Variants in CHODL observed in about 807,000 individuals in gnomAD.
CHODL encodes transmembrane protein MT75.
CHODL carries 29 observed loss-of-function variants against 34.5 expected under a neutral mutation model. The observed-to-expected ratio is 0.84, with a 90% CI of 0.63 to 1.15. The LOEUF (loss-of-function observed/expected upper bound fraction) is 1.15, where lower values mean the gene tolerates loss of function less well. CHODL is among the 50% of genes most tolerant of loss of function. CHODL has a pLI of 0.00. For synonymous variants in CHODL, 125 were observed against 116.1 expected (o/e 1.08, Z -0.49); for missense variants, 332 against 332.5 (o/e 1.00, Z 0.01).
intron 1 of CHODL, among the ~76,000 whole-genome samples, chr21:17,939,348 G>C (rs1293716806): frequency 6.6e-6 from 1 of 151,974 alleles, no homozygotes; most frequent in African/African-American, 2.4e-5. Flanking sequence ...TTCTGTGGTT[G>C]GTTTATTTCA....
chr21:17,968,379 A>C (rs2063589082), intron 1 of CHODL, among the ~76,000 whole-genome samples: 1 of 151,392 alleles, frequency 6.6e-6, no homozygotes, highest in South Asian at 2.1e-4. Context: ...CAGAAATACA[A>C]CACATAGTAT....
At chr21:18,185,862 G>A (rs574522818) in intron 2 of CHODL, among the ~76,000 whole-genome samples, 30 of 152,306 alleles carry the variant, frequency 2.0e-4, no homozygotes, top group African/African-American at 6.7e-4. Context: ...CTAGCTAGCT[G>A]TCTAGGGTCT....
At chr21:18,228,992 G>T (rs2073955466) in intron 2 of CHODL, among the ~76,000 whole-genome samples, 1 of 152,072 alleles carries the variant, frequency 6.6e-6, no homozygotes, top group African/African-American at 2.4e-5. Flanking sequence ...TATAAAGTAT[G>T]TCTGGGAGAA....
At chr21:18,133,575 G>A (rs2146597692) in intron 2 of CHODL, among the ~76,000 whole-genome samples, 1 of 152,182 alleles carries the variant, frequency 6.6e-6, no homozygotes, top group East Asian at 1.9e-4. Flanking sequence ...AGCAAACAGA[G>A]TTCCCTTGTG....
At chr21:17,926,471 A>C (rs1235152722) in intron 1 of CHODL, among the ~76,000 whole-genome samples, 7 of 151,796 alleles carry the variant, frequency 4.6e-5, no homozygotes, top group Non-Finnish European at 1.0e-4. Context: ...AAAGAAGTTT[A>C]ATTAACTCAC....
intron 1 of CHODL, among the ~76,000 whole-genome samples, chr21:18,013,821 G>C (rs1274414436): frequency 6.6e-6 from 1 of 151,562 alleles, no homozygotes; most frequent in Non-Finnish European, 1.5e-5. Context: ...TTTTAGTAGA[G>C]ATGGGGTTTC....
rs1340132871 is a variant in CHODL, at chr21:18,056,759, T to G, written c.-45+28788T>G. Reference sequence around the variant, plus strand: ...TTTTTCCTTTCTGTTATTATGCTTTTAATCATGCTCCATGAATGTAATATC... The same window carrying G: ...TTTTTCCTTTCTGTTATTATGCTTTGAATCATGCTCCATGAATGTAATATC... On this transcript the variant is annotated intron_variant, in intron 2 of 6. Coordinates refer to the CHODL transcript ENST00000400127. Among the ~76,000 whole-genome samples the G allele has an allele frequency of 3.9e-5, 6 of 152,206 alleles. No individual in the cohort carries two copies. In the East Asian group the frequency reaches 1.2e-3, roughly 29 times the overall value.
At chr21:18,174,332 A>G (rs2073280560) in intron 2 of CHODL, among the ~76,000 whole-genome samples, 1 of 151,546 alleles carries the variant, frequency 6.6e-6, no homozygotes, top group Admixed American at 6.6e-5. Context: ...CAATTTTTTT[A>G]TACTAGGTAA....
intron 2 of CHODL, among the ~76,000 whole-genome samples, chr21:18,158,555 C>T (rs769451962): frequency 5.2e-4 from 79 of 151,970 alleles, no homozygotes; most frequent in Non-Finnish European, 8.5e-4. Flanking sequence ...GAAAAGCATG[C>T]GGCCTGGCAC....
intron 2 of CHODL, among the ~76,000 whole-genome samples, chr21:18,236,261 A>C (rs78568625): frequency 1.3e-3 from 203 of 152,158 alleles, no homozygotes; most frequent in African/African-American, 4.8e-3. Context: ...GTGAGAACTT[A>C]CTTACATCAT....
At chr21:17,973,873 T>C (rs1232548043) in intron 1 of CHODL, among the ~76,000 whole-genome samples, 1 of 152,122 alleles carries the variant, frequency 6.6e-6, no homozygotes, top group Non-Finnish European at 1.5e-5. Context: ...TTTATTTTTA[T>C]GCTCTTCTCC....
intron 1 of CHODL, among the ~76,000 whole-genome samples, chr21:17,971,948 A>G (rs2063618264): frequency 1.3e-5 from 2 of 152,290 alleles, no homozygotes; most frequent in African/African-American, 2.4e-5. Context: ...CAGCTCATCA[A>G]AAAGCTTATC....
At chr21:18,099,995 A>T (rs2065192947) in intron 2 of CHODL, 1 of 152,142 alleles carries the variant, frequency 6.6e-6, no homozygotes, top group African/African-American at 2.4e-5. Context: ...GCACAATTGG[A>T]GTACTGTGCT....
At chr21:18,042,010 C>T (rs1482295637) in intron 2 of CHODL, among the ~76,000 whole-genome samples, 1 of 151,602 alleles carries the variant, frequency 6.6e-6, no homozygotes, top group Non-Finnish European at 1.5e-5. Flanking sequence ...AAAAATCTTG[C>T]TTCTTCTCAT....
intron 4 of CHODL, 144 bp downstream of exon 4, chr21:18,260,430 G>A: frequency 1.9e-6 from 1 of 523,928 alleles, no homozygotes; most frequent in Non-Finnish European, 3.4e-6. Flanking sequence ...TTTGAACTAG[G>A]TTAGAAAAAA....
chr21:18,216,600 A>G (rs541044973), intron 2 of CHODL, among the ~76,000 whole-genome samples: 2 of 152,198 alleles, frequency 1.3e-5, no homozygotes, highest in South Asian at 4.1e-4. Context: ...TGTTGTTGCA[A>G]ATGACAAGCG....
chr21:18,104,117 G>T (rs1316062993), intron 2 of CHODL, among the ~76,000 whole-genome samples: 1 of 152,266 alleles, frequency 6.6e-6, no homozygotes, highest in South Asian at 2.1e-4. Context: ...GGACAGGTGG[G>T]AAACACTGAA....
chr21:17,980,784 G>A (rs762838174), intron 1 of CHODL, among the ~76,000 whole-genome samples: 10 of 152,178 alleles, frequency 6.6e-5, no homozygotes, highest in East Asian at 1.9e-4. Flanking sequence ...GAAATGCACC[G>A]TGTGTGCATG....
intron 2 of CHODL, among the ~76,000 whole-genome samples, chr21:18,038,857 A>G (rs76677338): frequency 0.024 from 3,633 of 151,822 alleles, 182 homozygotes; most frequent in East Asian, 0.15. Flanking sequence ...GGCAAACATT[A>G]ATTGTAAGTC....
Sources: gnomAD v4.1 joint callset for allele counts (sites outside exome capture counted in the v4.1 genomes callset) on GRCh38, gnomAD v4.1.1 for gene constraint, MANE v1.5 for transcripts, NCBI Gene and HGNC (gene_info 2026-07-23, HGNC 2026-07-21) for gene names.